HS3ST5: variants seen among roughly 807,000 people sequenced by gnomAD.
HS3ST5 encodes heparan sulfate glucosamine 3-O-sulfotransferase 5.
Under a neutral mutation model 25.4 loss-of-function variants are expected in HS3ST5, and 10 were observed. The ratio of observed to expected loss-of-function variants is 0.39; its 90% CI spans 0.24 to 0.67. HS3ST5 has a LOEUF of 0.67. Ranked by LOEUF, HS3ST5 falls within the 30% of genes least tolerant of loss-of-function variation. The pLI is 0.44. For synonymous variants in HS3ST5, 170 were observed against 162.4 expected, an observed-to-expected ratio of 1.05 and a Z score of -0.36; for missense variants, 324 against 420.7, an observed-to-expected ratio of 0.77 and a Z score of 2.01.
chr6:114,192,683 A>G (rs1027208238), intron 2 of HS3ST5, among the ~76,000 whole-genome samples: 1 of 152,194 alleles, frequency 6.6e-6, no homozygotes, highest in African/African-American at 2.4e-5. Flanking sequence ...GAAAATTTAG[A>G]AGACTCAGAG....
intron 2 of HS3ST5, among the ~76,000 whole-genome samples, chr6:114,211,707 G>A (rs1582720021): frequency 1.3e-5 from 2 of 152,246 alleles, no homozygotes; most frequent in South Asian, 4.1e-4. Flanking sequence ...GAATTACACA[G>A]AAGGACCAGA....
At position 114,277,838 on chromosome 6, in the gene HS3ST5, C is replaced by T. The variant is rs190361678; in HGVS notation, c.-338-49060G>A. 9.7e-4 allele frequency among the ~76,000 whole-genome samples: 148 copies of T among 152,112 alleles called. 1 individual carries two copies. Among genetic ancestry groups the T allele is most frequent in the African/African-American group, 3.3e-3 (138 of 41,536 alleles). ...ATCCCTTCTTGAGCAAGAATGCTCT[C>T]ATTGCAGGTTGCCTTGTCGAGGTTA... On this transcript the variant is annotated intron_variant, in intron 1 of 4. Transcript: ENST00000312719.
intron 2 of HS3ST5, among the ~76,000 whole-genome samples, chr6:114,177,510 C>A (rs1779779122): frequency 6.6e-6 from 1 of 152,178 alleles, no homozygotes; most frequent in Admixed American, 6.5e-5. Flanking sequence ...ATATCCAACT[C>A]TCAGAAGGCA....
intron 2 of HS3ST5, among the ~76,000 whole-genome samples, chr6:114,198,921 C>T (rs990156732): frequency 6.6e-6 from 1 of 152,030 alleles, no homozygotes; most frequent in Non-Finnish European, 1.5e-5. Context: ...TACCTAGAGA[C>T]TCAGTGCCCT....
At chr6:114,074,666 C>T (rs1774015709) in intron 3 of HS3ST5, among the ~76,000 whole-genome samples, 1 of 151,896 alleles carries the variant, frequency 6.6e-6, no homozygotes, top group African/African-American at 2.4e-5. Context: ...TTTGCTTCTC[C>T]CTATACCCTG....
chr6:114,262,723 A>C (rs2114672873), intron 1 of HS3ST5, among the ~76,000 whole-genome samples: 1 of 152,296 alleles, frequency 6.6e-6, no homozygotes, highest in Non-Finnish European at 1.5e-5. Context: ...ATAATATTTA[A>C]CAATAAAGAT....
At chr6:114,244,125 T>G (rs1021126835) in intron 1 of HS3ST5, among the ~76,000 whole-genome samples, 3 of 152,162 alleles carry the variant, frequency 2.0e-5, no homozygotes, top group Admixed American at 6.5e-5. Context: ...GGAAAGAAGG[T>G]TTTAACAAAC....
At chr6:114,113,225 C>T (rs1776354152) in intron 3 of HS3ST5, among the ~76,000 whole-genome samples, 1 of 152,182 alleles carries the variant, frequency 6.6e-6, no homozygotes, top group Non-Finnish European at 1.5e-5. Flanking sequence ...TCTATCTTCA[C>T]TCTCCACTGT....
At chr6:114,319,917 C>T (rs1368065431) in intron 1 of HS3ST5, among the ~76,000 whole-genome samples, 2 of 151,808 alleles carry the variant, frequency 1.3e-5, no homozygotes, top group Non-Finnish European at 2.9e-5. Context: ...AGCCTCATTG[C>T]CTCTCTCATC....
intron 3 of HS3ST5, among the ~76,000 whole-genome samples, chr6:114,101,076 A>C: frequency 6.6e-6 from 1 of 152,242 alleles, no homozygotes; most frequent in Admixed American, 6.5e-5. Context: ...AAGTTCAGTT[A>C]GGTCTGATGT....
intron 3 of HS3ST5, among the ~76,000 whole-genome samples, chr6:114,165,089 A>G (rs910867625): frequency 6.6e-6 from 1 of 152,150 alleles, no homozygotes; most frequent in African/African-American, 2.4e-5. Flanking sequence ...AAAATGATGT[A>G]TGGATGGATA....
intron 3 of HS3ST5, among the ~76,000 whole-genome samples, chr6:114,156,509 T>C (rs1649310209): frequency 6.6e-6 from 1 of 152,260 alleles, no homozygotes; most frequent in African/African-American, 2.4e-5. Flanking sequence ...TATACAGTTA[T>C]GTAGTGTGCT....
At chr6:114,096,550 C>A (rs1041628338) in intron 3 of HS3ST5, among the ~76,000 whole-genome samples, 2 of 151,948 alleles carry the variant, frequency 1.3e-5, no homozygotes, top group African/African-American at 4.8e-5. Flanking sequence ...ATTTGAATAA[C>A]CAGAGATGAT....
chr6:114,147,020 A>G (rs1267644290), intron 3 of HS3ST5, among the ~76,000 whole-genome samples: 2 of 152,130 alleles, frequency 1.3e-5, no homozygotes, highest in African/African-American at 2.4e-5. Flanking sequence ...AGGGACTACT[A>G]TGTGTTTCCC....
chr6:114,247,566 G>C (rs902204120), intron 1 of HS3ST5, among the ~76,000 whole-genome samples: 13 of 152,158 alleles, frequency 8.5e-5, no homozygotes, highest in South Asian at 2.1e-4. Context: ...AAATTTGTCT[G>C]TTTCAAGGTA....
intron 1 of HS3ST5, among the ~76,000 whole-genome samples, chr6:114,270,293 C>T (rs942596334): frequency 6.6e-6 from 1 of 152,010 alleles, no homozygotes; most frequent in African/African-American, 2.4e-5. Context: ...GAAAACATTC[C>T]ATCCACACCA....
At chr6:114,098,878 G>A (rs1775584162) in intron 3 of HS3ST5, among the ~76,000 whole-genome samples, 1 of 152,024 alleles carries the variant, frequency 6.6e-6, no homozygotes, top group Admixed American at 6.6e-5. Flanking sequence ...ATGTGTACAT[G>A]TATGTACATA....
intron 3 of HS3ST5, among the ~76,000 whole-genome samples, chr6:114,073,262 A>T (rs1029690655): frequency 6.6e-6 from 1 of 152,224 alleles, no homozygotes; most frequent in Non-Finnish European, 1.5e-5. Flanking sequence ...CACCAAAAGC[A>T]ATGGCCACCA....
chr6:114,294,441 CTTTTTTTTT>C (rs57443813), intron 1 of HS3ST5, among the ~76,000 whole-genome samples: 9 of 112,968 alleles, frequency 8.0e-5, no homozygotes, highest in African/African-American at 3.2e-4. Flanking sequence ...AGGTTAGAAA[CTTTTTTTTT>C]TTTTTTTTTT....
Sources: gnomAD v4.1 joint callset for allele counts (sites outside exome capture counted in the v4.1 genomes callset) on GRCh38, gnomAD v4.1.1 for gene constraint, MANE v1.5 for transcripts, NCBI Gene and HGNC (gene_info 2026-07-23, HGNC 2026-07-21) for gene names.